The following ORC1 variants were observed in gnomAD, a reference collection of about 807,000 sequenced individuals.
The protein encoded by ORC1 is origin recognition complex subunit 1, also known as origin recognition complex, subunit 1 homolog.
In ORC1, 61 loss-of-function variants were observed where a neutral mutation model predicts 98.9. The observed-to-expected ratio is 0.62, with a 90% confidence interval of 0.50 to 0.76. The LOEUF is 0.76. Ranked by LOEUF, ORC1 falls within the 30% of genes least tolerant of loss-of-function variation. The pLI is 0.00. For missense variants in ORC1, 979 were observed against 1,072.2 expected (o/e 0.91, Z 1.21); for synonymous variants, 385 against 406.9 (o/e 0.95, Z 0.65).
chr1:52,379,894 T>C (rs1647039243), intron 14 of ORC1, among the ~76,000 whole-genome samples: 1 of 151,912 alleles, frequency 6.6e-6, no homozygotes, highest in Non-Finnish European at 1.5e-5. Context: ...AATTGCACCA[T>C]CGCACTCCAG....
chr1:52,400,235 A>G (rs1440792575), intron 3 of ORC1, among the ~76,000 whole-genome samples: 1 of 152,096 alleles, frequency 6.6e-6, no homozygotes, highest in Admixed American at 6.6e-5. Flanking sequence ...AGATGCTTGA[A>G]CCTGCAGATG....
chr1:52,407,945 A>T (rs550980138), upstream of ORC1, among the ~76,000 whole-genome samples: 1 of 152,366 alleles, frequency 6.6e-6, no homozygotes, highest in East Asian at 1.9e-4. Flanking sequence ...AATCCCAGCT[A>T]CTTGGGAGGC....
In ORC1 at chr1:52,385,458, C is replaced by A. The variant is rs142013986; in HGVS notation, c.1482-196G>T. The stretch of plus-strand genomic sequence containing the variant: ...TAATCCTTGGCCTCCGTTTCTCCAC[C>A]CAAATCACATGGGTGGACCTCATCC... On this transcript the variant is annotated intron_variant, in intron 9 of 16. Coordinates refer to ENST00000371568, the MANE Select transcript of ORC1 (RefSeq NM_004153.4). Among the ~76,000 whole-genome samples, 524 of 152,242 alleles carry A rather than the reference C, an allele frequency of 3.4e-3. 3 individuals are homozygous for A. The highest frequency in any genetic ancestry group is 0.011 in the African/African-American group (476 of 41,558).
upstream of ORC1, among the ~76,000 whole-genome samples, chr1:52,408,011 G>A (rs745895209): frequency 9.9e-5 from 15 of 152,224 alleles, no homozygotes; most frequent in East Asian, 1.9e-4. Context: ...AATTGAGATC[G>A]TGCCACTGCA....
intron 11 of ORC1, among the ~76,000 whole-genome samples, 191 bp from the exon 12 acceptor site, chr1:52,384,128 T>C (rs1647109990): frequency 6.6e-6 from 1 of 152,202 alleles, no homozygotes; most frequent in Non-Finnish European, 1.5e-5. Flanking sequence ...AAAGAAGGTA[T>C]ATGAGTTTGA....
intron 14 of ORC1, among the ~76,000 whole-genome samples, chr1:52,376,100 G>A (rs916923772): frequency 1.9e-4 from 29 of 152,198 alleles, no homozygotes; most frequent in Admixed American, 1.2e-3. Context: ...GGCTGGACGC[G>A]GTGGCTCACA....
Position 52,389,214 on chromosome 1 carries a change from T to TA in ORC1, c.1187+2dup. 1 of 1,609,304 alleles carries TA rather than the reference T, an allele frequency of 6.2e-7. No homozygotes were observed. Among genetic ancestry groups the TA allele is most frequent in the Non-Finnish European group, 8.5e-7 (1 of 1,175,600 alleles). On this transcript the variant is annotated splice_region_variant and intron_variant, in intron 7 of 16. Transcript: ENST00000371568. ...TTCTCTGCCTGCCAAGGAGTAGTCT[T>TA]ACCGAAGCTGCTGCCTAATCCGATT...
rs751251968 is a variant in ORC1, at chr1:52,381,749, T to A, written c.2026A>T (p.Met676Leu). 2.5e-6 allele frequency: 4 copies of A among 1,613,144 alleles called. No homozygotes were observed. Among genetic ancestry groups the A allele is most frequent in the Non-Finnish European group, 8.5e-7 (1 of 1,179,540 alleles). ...CTATATGTATAGGGCTGGAAGCACA[T>A]CCTGGTAAGACCCTGGGGAGCCAAA... ...RVSSRLGLTR[M>L]CFQPYTYSQL... Residue 676 changes from methionine to leucine, a missense_variant, in exon 14 of 17, where the codon ATG becomes TTG. Physicochemically the swap from Met to Leu is conservative, Grantham distance 15. Coordinates refer to ENST00000371568, the MANE Select transcript of ORC1 (RefSeq NM_004153.4).
At chr1:52,376,021 C>A (rs1010092044) in intron 14 of ORC1, among the ~76,000 whole-genome samples, 1 of 152,196 alleles carries the variant, frequency 6.6e-6, no homozygotes, top group Non-Finnish European at 1.5e-5. Context: ...GCACCCCTTA[C>A]AGCACGTGGT....
chr1:52,408,936 C>T (rs1366510733), upstream of ORC1: 1 of 364,958 alleles, frequency 2.7e-6, no homozygotes, highest in Admixed American at 4.2e-5. Flanking sequence ...TAATCCCTGC[C>T]TTGCATCATA....
intron 5 of ORC1, among the ~76,000 whole-genome samples, 168 bp downstream of exon 5, chr1:52,395,878 C>T (rs1196974006): frequency 6.6e-6 from 1 of 152,136 alleles, no homozygotes; most frequent in Non-Finnish European, 1.5e-5. Flanking sequence ...CCTTGTAGTC[C>T]CAGCTACTGG....
intron 3 of ORC1, among the ~76,000 whole-genome samples, chr1:52,398,775 C>T (rs1357318434): frequency 3.3e-5 from 5 of 150,358 alleles, no homozygotes; most frequent in Admixed American, 6.6e-5. Context: ...TTAGTAGAGA[C>T]GGGGTTTCAC....
intron 6 of ORC1, among the ~76,000 whole-genome samples, chr1:52,390,916 AAAG>A (rs1212905668): frequency 8.6e-5 from 13 of 151,436 alleles, no homozygotes; most frequent in East Asian, 1.9e-4. Flanking sequence ...AAAAAAAAAA[AAAG>A]AAGAAGAAAG....
chr1:52,385,308 T>G (rs770081192), intron 9 of ORC1, 46 bp from the exon 10 acceptor site: 11 of 1,147,808 alleles, frequency 9.6e-6, no homozygotes, highest in Admixed American at 1.7e-5. Context: ...TTAGGAACAT[T>G]CCCCAACCAT....
rs543125238 is a variant in ORC1, at chr1:52,375,685, C to T, written c.2134-86G>A. On this transcript the variant is annotated intron_variant, in intron 14 of 16. Transcript: ENST00000371568. ...TGGTAGTGCTGGCAATGGACATAAGCGTAAAGTTAAGTACTTAGCCCTGGC... is the reference window on the plus strand; with the variant it reads ...TGGTAGTGCTGGCAATGGACATAAGTGTAAAGTTAAGTACTTAGCCCTGGC... 2.7e-5 allele frequency: 36 copies of T among 1,321,178 alleles called. No homozygotes were observed. The East Asian group carries it at 4.8e-4, about 18-fold the overall frequency. The allele number at this position is 1,321,178 out of a possible 1,614,324, so 81.8% of individuals were successfully genotyped here.
chr1:52,407,034 T>C (rs1569973304), upstream of ORC1, among the ~76,000 whole-genome samples: 1 of 152,242 alleles, frequency 6.6e-6, no homozygotes. Flanking sequence ...TTTTTTTTGT[T>C]TGAGACAGAG....
chr1:52,379,275 G>A (rs1170387182), intron 14 of ORC1, among the ~76,000 whole-genome samples: 1 of 143,462 alleles, frequency 7.0e-6, no homozygotes, highest in Non-Finnish European at 1.5e-5. Context: ...ACGGAGTCTC[G>A]CTCTGTCTCC....
chr1:52,404,481 G>C (rs955413740), upstream of ORC1: 14 of 334,680 alleles, frequency 4.2e-5, no homozygotes, highest in Non-Finnish European at 6.7e-5. Context: ...TCCCTTCGTT[G>C]CGACACCAAC....
At chr1:52,405,910 AG>A, upstream of ORC1, 2 of 1,281,752 alleles carry the variant, frequency 1.6e-6, no homozygotes, top group South Asian at 1.2e-5. Context: ...TTTGGTTAAG[AG>A]GGGTGTACAC....
Sources: allele counts gnomAD v4.1 joint callset (sites outside exome capture counted in the v4.1 genomes callset), GRCh38; gene constraint gnomAD v4.1.1; transcripts MANE v1.5; gene names NCBI Gene and HGNC (gene_info 2026-07-23, HGNC 2026-07-21).